The following CADPS2 variants were observed in gnomAD, a reference collection of about 807,000 sequenced individuals.
The protein encoded by CADPS2 is calcium-dependent secretion activator 2.
In CADPS2, 93 loss-of-function variants were observed where a neutral mutation model predicts 172.5. That is an observed-to-expected ratio of 0.54 (90% CI 0.46 to 0.64). The LOEUF (loss-of-function observed/expected upper bound fraction) is 0.64. Among genes scored for constraint, CADPS2 ranks in the 30% least tolerant of loss-of-function variants. CADPS2 has a pLI of 0.00. For synonymous variants in CADPS2, 546 were observed against 555.2 expected, an observed-to-expected ratio of 0.98 and a Z score of 0.23; for missense variants, 1,420 against 1,565.9, an observed-to-expected ratio of 0.91 and a Z score of 1.57.
chr7:122,659,568 C>A (rs1229484856), intron 3 of CADPS2, among the ~76,000 whole-genome samples: 1 of 151,828 alleles, frequency 6.6e-6, no homozygotes, highest in Admixed American at 6.6e-5. Context: ...GGGGATAGGA[C>A]AGAAGGAATA....
intron 8 of CADPS2, among the ~76,000 whole-genome samples, chr7:122,537,019 T>G (rs893947051): frequency 6.6e-6 from 1 of 151,944 alleles, no homozygotes; most frequent in Non-Finnish European, 1.5e-5. Flanking sequence ...GAGACTTTTT[T>G]GAGGGTGGAG....
chr7:122,484,978 C>T (rs946160361), intron 11 of CADPS2, among the ~76,000 whole-genome samples: 1 of 152,060 alleles, frequency 6.6e-6, no homozygotes, highest in African/African-American at 2.4e-5. Context: ...GTAGATCTAT[C>T]ACGGTCATCT....
chr7:122,573,975 T>C (rs1370703793), intron 7 of CADPS2, among the ~76,000 whole-genome samples: 1 of 152,136 alleles, frequency 6.6e-6, no homozygotes, highest in Non-Finnish European at 1.5e-5. Context: ...TATTCAGACA[T>C]ACACACTTAC....
At chr7:122,854,438 C>T (rs1299866755) in intron 1 of CADPS2, among the ~76,000 whole-genome samples, 1 of 152,052 alleles carries the variant, frequency 6.6e-6, no homozygotes, top group Non-Finnish European at 1.5e-5. Flanking sequence ...ATGAGAAAGT[C>T]AAAGAAGAGG....
chr7:122,789,357 G>A (rs1335323125), intron 1 of CADPS2, among the ~76,000 whole-genome samples: 4 of 152,032 alleles, frequency 2.6e-5, no homozygotes, highest in East Asian at 1.9e-4. Flanking sequence ...GCCTTTAACT[G>A]GTTCGTTTAC....
intron 7 of CADPS2, among the ~76,000 whole-genome samples, chr7:122,563,311 C>T (rs145326495): frequency 6.2e-4 from 94 of 152,248 alleles, no homozygotes; most frequent in Non-Finnish European, 1.2e-3. Context: ...GAGGATACTG[C>T]TTGAGTAGCT....
At chr7:122,696,116 T>C (rs1335739495) in intron 2 of CADPS2, among the ~76,000 whole-genome samples, 1 of 152,186 alleles carries the variant, frequency 6.6e-6, no homozygotes, top group African/African-American at 2.4e-5. Flanking sequence ...TGCTATCCTC[T>C]AGTGGCAGAA....
rs2067377060 is a variant in CADPS2, at chr7:122,572,309, T to G, written c.1335+8870A>C. On this transcript the variant is annotated intron_variant, in intron 7 of 29. Coordinates refer to ENST00000449022, the MANE Select transcript of CADPS2 (RefSeq NM_017954.11). ...TCTTAAAATCACAGAAAAGTTATCC[T>G]TCCTCCTTAAATCCTTTCAGATAGC... 2.6e-5 allele frequency among the ~76,000 whole-genome samples: 4 copies of G among 152,272 alleles called. No homozygotes were observed. In the South Asian group the frequency reaches 8.3e-4, roughly 32 times the overall value.
chr7:122,621,988 C>A lies in CADPS2; in HGVS notation c.868-271G>T, dbSNP rs561122757. Among the ~76,000 whole-genome samples the A allele has an allele frequency of 8.7e-4, 132 of 152,150 alleles. 2 individuals carry two copies. The South Asian group carries it at 0.027, about 32-fold the overall frequency. On this transcript the variant is annotated intron_variant, in intron 4 of 29. Coordinates refer to ENST00000449022, the MANE Select transcript of CADPS2 (RefSeq NM_017954.11). Reference sequence around the variant, plus strand: ...TTAAATTTATTTGTGATAAGATTTGCTTAAGGAAAAACAAACTCTGAAAAC... The same window carrying A: ...TTAAATTTATTTGTGATAAGATTTGATTAAGGAAAAACAAACTCTGAAAAC...
At chr7:122,489,253 T>C (rs752607887) in intron 11 of CADPS2, among the ~76,000 whole-genome samples, 15 of 152,108 alleles carry the variant, frequency 9.9e-5, no homozygotes, top group Non-Finnish European at 1.5e-4. Flanking sequence ...CTGAAGGGTA[T>C]CTAAAAAGAG....
chr7:122,677,510 C>A (rs1034374698), intron 2 of CADPS2, among the ~76,000 whole-genome samples: 1 of 152,056 alleles, frequency 6.6e-6, no homozygotes, highest in African/African-American at 2.4e-5. Context: ...CATGGAATGC[C>A]ATCAATATTT....
intron 2 of CADPS2, among the ~76,000 whole-genome samples, chr7:122,720,506 A>G (rs2090241904): frequency 6.6e-6 from 1 of 151,120 alleles, no homozygotes. Context: ...GTATATACGT[A>G]TAAGTATATA....
chr7:122,812,237 A>AAAAAAACTCTAAAAGAGTTTCATGACCC (rs1800171264), intron 1 of CADPS2, among the ~76,000 whole-genome samples: 1 of 152,092 alleles, frequency 6.6e-6, no homozygotes, highest in Non-Finnish European at 1.5e-5. Flanking sequence ...ATTGATAGAA[A>AAAAAAACTCTAAAAGAGTTTCATGACCC]ACTGAAGTAA....
At chr7:122,597,040 C>A (rs118007213) in intron 6 of CADPS2, among the ~76,000 whole-genome samples, 1 of 151,994 alleles carries the variant, frequency 6.6e-6, no homozygotes, top group East Asian at 2.0e-4. Flanking sequence ...ATGCCAGGCT[C>A]ATTTTAACAA....
intron 1 of CADPS2, among the ~76,000 whole-genome samples, chr7:122,880,728 G>A (rs1169873178): frequency 1.3e-5 from 2 of 152,112 alleles, no homozygotes; most frequent in African/African-American, 4.8e-5. Context: ...GTGCAGTTAA[G>A]ATAAGAATCG....
At chr7:122,526,887 A>C (rs1160537077) in intron 8 of CADPS2, among the ~76,000 whole-genome samples, 1 of 152,120 alleles carries the variant, frequency 6.6e-6, no homozygotes, top group Non-Finnish European at 1.5e-5. Flanking sequence ...ATCAGCTGTG[A>C]CTCACCACTC....
At chr7:122,883,871 T>C (rs1187700834) in intron 1 of CADPS2, among the ~76,000 whole-genome samples, 1 of 152,214 alleles carries the variant, frequency 6.6e-6, no homozygotes, top group African/African-American at 2.4e-5. Context: ...TTTTGCTTTT[T>C]TTGTAGTTTG....
intron 1 of CADPS2, among the ~76,000 whole-genome samples, chr7:122,810,731 C>T (rs1799844657): frequency 6.6e-6 from 1 of 152,054 alleles, no homozygotes. Flanking sequence ...GCTGGGACTA[C>T]AGGCACACAC....
At chr7:122,683,767 C>G (rs2083326117) in intron 2 of CADPS2, among the ~76,000 whole-genome samples, 1 of 151,898 alleles carries the variant, frequency 6.6e-6, no homozygotes, top group African/African-American at 2.4e-5. Context: ...AAACAGATTC[C>G]CAGTTGGGGC....
Sources: gnomAD v4.1 joint callset for allele counts (sites outside exome capture counted in the v4.1 genomes callset) on GRCh38, gnomAD v4.1.1 for gene constraint, MANE v1.5 for transcripts, NCBI Gene and HGNC (gene_info 2026-07-23, HGNC 2026-07-21) for gene names.